The following PPP1R36 variants were observed in gnomAD, a reference collection of about 807,000 sequenced individuals.
PPP1R36 encodes protein phosphatase 1 regulatory subunit 36.
In PPP1R36, 47 loss-of-function variants were observed where a neutral mutation model predicts 53.4. The ratio of observed to expected loss-of-function variants is 0.88; its 90% CI spans 0.70 to 1.12. The LOEUF (loss-of-function observed/expected upper bound fraction) is 1.12. Ranked by LOEUF, PPP1R36 falls within the 50% of genes most tolerant of loss-of-function variation. The pLI is 0.00. For missense variants in PPP1R36, 456 were observed against 513.9 expected (o/e 0.89, Z 1.09); for synonymous variants, 153 against 170.5 (o/e 0.90, Z 0.80).
chr14:64,567,686 G>C (rs1254115705), intron 6 of PPP1R36, among the ~76,000 whole-genome samples: 1 of 151,872 alleles, frequency 6.6e-6, no homozygotes, highest in Non-Finnish European at 1.5e-5. Context: ...TTTTGAGATG[G>C]AGTCTCGCTC....
chr14:64,571,150 G>A (rs2080300393), intron 7 of PPP1R36, among the ~76,000 whole-genome samples: 1 of 144,632 alleles, frequency 6.9e-6, no homozygotes, highest in South Asian at 2.2e-4. Flanking sequence ...GTTTGAAACG[G>A]AGTCTTGCTC....
intron 3 of PPP1R36, 58 bp downstream of exon 3, chr14:64,552,919 G>A: frequency 6.8e-7 from 1 of 1,471,956 alleles, no homozygotes; most frequent in South Asian, 1.2e-5. Context: ...GATAGTTACA[G>A]AAGTCAAAAT....
At chr14:64,587,396 G>A (rs182953588) in intron 10 of PPP1R36, 24 bp downstream of exon 10, 41 of 1,380,538 alleles carry the variant, frequency 3.0e-5, no homozygotes, top group Non-Finnish European at 3.7e-5. Context: ...ACTTTCCTAT[G>A]CTCAGGGGTA....
intron 2 of PPP1R36, among the ~76,000 whole-genome samples, chr14:64,552,409 A>C (rs2080101889): frequency 6.6e-6 from 1 of 152,210 alleles, no homozygotes; most frequent in African/African-American, 2.4e-5. Flanking sequence ...GAATTGCTGG[A>C]ATCTGGAAAG....
chr14:64,577,232 C>T (rs1433941033), intron 8 of PPP1R36, among the ~76,000 whole-genome samples: 4 of 152,262 alleles, frequency 2.6e-5, no homozygotes, highest in African/African-American at 4.8e-5. Flanking sequence ...GCTCTATGTC[C>T]GTGACTTAAT....
chr14:64,555,088 G>A (rs989983567), intron 3 of PPP1R36, among the ~76,000 whole-genome samples: 1 of 151,754 alleles, frequency 6.6e-6, no homozygotes, highest in African/African-American at 2.4e-5. Context: ...GAGAATACTC[G>A]CCAGTGGCGC....
chr14:64,553,706 G>T (rs184563483), intron 3 of PPP1R36, among the ~76,000 whole-genome samples: 1 of 151,522 alleles, frequency 6.6e-6, no homozygotes, highest in African/African-American at 2.4e-5. Context: ...TTCGGAGGTG[G>T]TAGAAATGGT....
At chr14:64,580,637 A>G (rs2080380942) in intron 8 of PPP1R36, among the ~76,000 whole-genome samples, 1 of 152,234 alleles carries the variant, frequency 6.6e-6, no homozygotes, top group African/African-American at 2.4e-5. Flanking sequence ...AGCAGTTTAT[A>G]GAAGAATGAG....
chr14:64,589,128 C>T, intron 11 of PPP1R36, 24 bp from the exon 12 acceptor site: 1 of 1,596,628 alleles, frequency 6.3e-7, no homozygotes, highest in East Asian at 2.2e-5. Flanking sequence ...ATCACTTCAG[C>T]TATCCCAATA....
chr14:64,559,695 T>C (rs967620967), intron 3 of PPP1R36, among the ~76,000 whole-genome samples: 24 of 152,168 alleles, frequency 1.6e-4, no homozygotes, highest in African/African-American at 5.1e-4. Context: ...CCAGACAAAG[T>C]AGATTTAAAC....
chr14:64,568,986 T>G (rs1449508626), intron 7 of PPP1R36, among the ~76,000 whole-genome samples: 2 of 152,154 alleles, frequency 1.3e-5, no homozygotes, highest in Non-Finnish European at 2.9e-5. Context: ...TTTTTATGCT[T>G]ACAAAGTTCT....
intron 8 of PPP1R36, among the ~76,000 whole-genome samples, chr14:64,579,400 T>G (rs1179360722): frequency 1.3e-5 from 2 of 152,204 alleles, no homozygotes; most frequent in African/African-American, 2.4e-5. Context: ...TGGGGATGTT[T>G]CAGCATCAAA....
At chr14:64,574,952 C>T (rs1596740207) in intron 8 of PPP1R36, among the ~76,000 whole-genome samples, 1 of 152,146 alleles carries the variant, frequency 6.6e-6, no homozygotes, top group East Asian at 1.9e-4. Context: ...TAGGTGTCTC[C>T]CTATCCTTTT....
At chr14:64,558,353 G>A (rs948628231) in intron 3 of PPP1R36, among the ~76,000 whole-genome samples, 1 of 152,152 alleles carries the variant, frequency 6.6e-6, no homozygotes, top group African/African-American at 2.4e-5. Flanking sequence ...CTGAGGTTGA[G>A]GGTCGCTTGA....
intron 8 of PPP1R36, among the ~76,000 whole-genome samples, chr14:64,579,883 T>A (rs1027000709): frequency 6.6e-6 from 1 of 152,032 alleles, no homozygotes; most frequent in Admixed American, 6.6e-5. Context: ...GGCAGGAGAA[T>A]AGCGTGAACC....
At chr14:64,563,406 A>G (rs1465320719) in intron 3 of PPP1R36, among the ~76,000 whole-genome samples, 1 of 152,060 alleles carries the variant, frequency 6.6e-6, no homozygotes, top group Non-Finnish European at 1.5e-5. Context: ...CACCAGAAAG[A>G]ATGAAAAGCT....
intron 3 of PPP1R36, among the ~76,000 whole-genome samples, chr14:64,555,142 G>T (rs1387276606): frequency 6.6e-6 from 1 of 152,152 alleles, no homozygotes; most frequent in East Asian, 1.9e-4. Context: ...GCCATGAAAT[G>T]TCTCACTTTC....
chr14:64,550,778 A>G (rs1198336245), intron 1 of PPP1R36, 143 bp from the exon 2 acceptor site: 6 of 618,764 alleles, frequency 9.7e-6, no homozygotes, highest in Non-Finnish European at 1.7e-5. Flanking sequence ...AAGAGGGACT[A>G]GTAGGAACCA....
At chr14:64,561,153 C>T (rs12884911) in intron 3 of PPP1R36, among the ~76,000 whole-genome samples, 80,737 of 152,010 alleles carry the variant, frequency 0.53, 21,775 homozygotes, top group East Asian at 0.66. Flanking sequence ...TCTGAGGTTT[C>T]AGTCCTCTTC....
Sources: allele counts gnomAD v4.1 joint callset (sites outside exome capture counted in the v4.1 genomes callset), GRCh38; gene constraint gnomAD v4.1.1; transcripts MANE v1.5; gene names NCBI Gene and HGNC (gene_info 2026-07-23, HGNC 2026-07-21).